ZFHX3: variants seen among roughly 807,000 people sequenced by gnomAD.
ZFHX3 encodes the protein zinc finger homeobox 3, also known as zinc finger homeobox protein 3.
In ZFHX3, 42 loss-of-function variants were observed where a neutral mutation model predicts 279.1. The observed-to-expected ratio is 0.15, with a 90% CI of 0.12 to 0.19. The LOEUF (loss-of-function observed/expected upper bound fraction) is 0.19. Ranked by LOEUF, ZFHX3 falls within the 10% of genes least tolerant of loss-of-function variation. ZFHX3 has a pLI of 1.00. For missense variants in ZFHX3, 4,981 were observed against 4,754.0 expected, an observed-to-expected ratio of 1.05 and a Z score of -1.40; for synonymous variants, 2,293 against 1,957.8, an observed-to-expected ratio of 1.17 and a Z score of -4.52.
At chr16:73,324,681 G>A (rs1271934053) in intron 3 of ZFHX3, among the ~76,000 whole-genome samples, 2 of 152,204 alleles carry the variant, frequency 1.3e-5, no homozygotes, top group Non-Finnish European at 2.9e-5. Flanking sequence ...TTGGTCAAGG[G>A]AGTATTAGGC....
intron 3 of ZFHX3, among the ~76,000 whole-genome samples, chr16:72,907,569 G>A (rs1597367795): frequency 6.8e-6 from 1 of 148,074 alleles, no homozygotes; most frequent in Non-Finnish European, 1.5e-5. Context: ...GTGTGTGTGT[G>A]TGTGTGTGTG....
intron 1 of ZFHX3, among the ~76,000 whole-genome samples, chr16:73,735,118 C>A (rs573964261): frequency 1.3e-5 from 2 of 152,126 alleles, no homozygotes; most frequent in Non-Finnish European, 2.9e-5. Context: ...TTAAGCACAT[C>A]GGCATGGTTG....
rs142783781 is a variant in ZFHX3 at position 73,675,070 on chromosome 16, G to C, written c.-1547+5110C>G. On this transcript the variant is annotated intron_variant, in intron 2 of 17. Coordinates refer to the ZFHX3 transcript ENST00000641206. ...TACTCTGCCCAAGAGGAAGCTTTGG[G>C]TCTGAGCTCAGTTCCAGCCCCAACA... 3.7e-4 allele frequency among the ~76,000 whole-genome samples: 56 copies of C among 152,276 alleles called. No homozygotes were observed. The East Asian group carries it at 0.01, about 28-fold the overall frequency.
At chr16:73,183,031 C>T (rs1199663709) in intron 5 of ZFHX3, among the ~76,000 whole-genome samples, 1 of 152,082 alleles carries the variant, frequency 6.6e-6, no homozygotes, top group African/African-American at 2.4e-5. Context: ...ATGGTGAAAC[C>T]CCATCTCTAC....
At chr16:73,537,065 C>T (rs2019914662) in intron 2 of ZFHX3, among the ~76,000 whole-genome samples, 1 of 152,174 alleles carries the variant, frequency 6.6e-6, no homozygotes, top group South Asian at 2.1e-4. Flanking sequence ...TTATCTATTT[C>T]ATCACATGCT....
intron 8 of ZFHX3, among the ~76,000 whole-genome samples, chr16:73,065,669 C>T (rs530042396): frequency 1.3e-5 from 2 of 151,512 alleles, no homozygotes; most frequent in Admixed American, 6.6e-5. Context: ...CAGTCCTCGT[C>T]CTCCCTCCCA....
chr16:73,831,426 T>C (rs998340172), intron 1 of ZFHX3, among the ~76,000 whole-genome samples: 1 of 152,098 alleles, frequency 6.6e-6, no homozygotes, highest in African/African-American at 2.4e-5. Flanking sequence ...TATTAGAGCA[T>C]AAGAAACAGA....
intron 1 of ZFHX3, among the ~76,000 whole-genome samples, chr16:73,753,496 C>T (rs1026294110): frequency 2.6e-5 from 4 of 152,194 alleles, no homozygotes; most frequent in African/African-American, 9.7e-5. Context: ...CTTTAACCCA[C>T]TCCTTAATTT....
intron 5 of ZFHX3, among the ~76,000 whole-genome samples, chr16:72,820,031 G>A (rs1419254677): frequency 1.3e-5 from 2 of 152,202 alleles, no homozygotes; most frequent in Non-Finnish European, 2.9e-5. Flanking sequence ...GCACCTGCAG[G>A]CCTCAGCAGC....
At chr16:72,814,407 G>A (rs1407156557) in intron 5 of ZFHX3, among the ~76,000 whole-genome samples, 1 of 152,144 alleles carries the variant, frequency 6.6e-6, no homozygotes, top group Non-Finnish European at 1.5e-5. Flanking sequence ...CACCGAGGCT[G>A]AGACCACCCG....
At chr16:73,556,977 C>T (rs891761702) in intron 2 of ZFHX3, among the ~76,000 whole-genome samples, 3 of 151,398 alleles carry the variant, frequency 2.0e-5, no homozygotes, top group Non-Finnish European at 2.9e-5. Flanking sequence ...CGCCTGTAGT[C>T]CCAGCTACTC....
chr16:73,408,493 C>T (rs1398273261), intron 3 of ZFHX3, among the ~76,000 whole-genome samples: 2 of 152,160 alleles, frequency 1.3e-5, no homozygotes, highest in Non-Finnish European at 2.9e-5. Flanking sequence ...TGCAGTCCAG[C>T]CAAGAAATAA....
At chr16:73,600,680 A>C (rs936391241) in intron 2 of ZFHX3, among the ~76,000 whole-genome samples, 32 of 152,206 alleles carry the variant, frequency 2.1e-4, no homozygotes, top group Non-Finnish European at 4.3e-4. Context: ...TCGGCCTCCC[A>C]AAGTGCTAGG....
At chr16:73,229,043 TGATAATCCTGCCTGTAAGTAATA>T (rs1165176821) in intron 5 of ZFHX3, among the ~76,000 whole-genome samples, 4 of 152,196 alleles carry the variant, frequency 2.6e-5, no homozygotes, top group African/African-American at 9.7e-5. Flanking sequence ...GATTCTTGAC[TGATAATCCTGCCTGTAAGTAATA>T]GAATATTAGA....
intron 3 of ZFHX3, among the ~76,000 whole-genome samples, chr16:73,379,490 T>G (rs2016783793): frequency 6.6e-6 from 1 of 152,202 alleles, no homozygotes; most frequent in African/African-American, 2.4e-5. Flanking sequence ...ATAGGCAGGC[T>G]ACCTAACTCT....
intron 3 of ZFHX3, among the ~76,000 whole-genome samples, chr16:73,435,274 T>A (rs1227748185): frequency 2.0e-5 from 3 of 152,172 alleles, no homozygotes; most frequent in African/African-American, 7.2e-5. Flanking sequence ...AGTGATGCGA[T>A]CTCGGCTCAC....
chr16:73,582,997 C>T, intron 2 of ZFHX3, among the ~76,000 whole-genome samples: 1 of 152,116 alleles, frequency 6.6e-6, no homozygotes, highest in East Asian at 1.9e-4. Context: ...ACATAAAAGG[C>T]TATAAGATTC....
intron 3 of ZFHX3, among the ~76,000 whole-genome samples, chr16:73,348,433 C>T (rs1254005088): frequency 6.6e-6 from 1 of 152,194 alleles, no homozygotes; most frequent in Non-Finnish European, 1.5e-5. Flanking sequence ...AGCCTCCATC[C>T]TCTTCAGACC....
intron 5 of ZFHX3, among the ~76,000 whole-genome samples, chr16:72,827,907 G>GT (rs1235430695): frequency 6.6e-6 from 1 of 152,124 alleles, no homozygotes. Flanking sequence ...CCCTCTCTGT[G>GT]TCTCCCAGGA....
Sources: allele counts gnomAD v4.1 joint callset (sites outside exome capture counted in the v4.1 genomes callset), GRCh38; gene constraint gnomAD v4.1.1; transcripts MANE v1.5; gene names NCBI Gene and HGNC (gene_info 2026-07-23, HGNC 2026-07-21).